The following CASP1 variants were observed in gnomAD, a reference collection of about 807,000 sequenced individuals.
The protein encoded by CASP1 is caspase-1.
A neutral mutation model predicts 41.2 loss-of-function variants in CASP1; 31 were observed. The observed-to-expected ratio is 0.75, with a 90% CI of 0.57 to 1.02. The LOEUF is 1.02. Ranked by LOEUF, CASP1 falls within the 50% of genes least tolerant of loss-of-function variation. The pLI, the probability that CASP1 is intolerant of heterozygous loss-of-function variation, is 0.00. For missense variants in CASP1, 490 were observed against 495.7 expected, an observed-to-expected ratio of 0.99 and a Z score of 0.11; for synonymous variants, 163 against 166.5, an observed-to-expected ratio of 0.98 and a Z score of 0.16.
Position 105,031,404 on chromosome 11 carries a change from A to T in CASP1, c.338-124T>A, listed in dbSNP as rs529194780. ...ATGCACTCTGAGGAGGACAATCCTG[A>T]TCTACATCATTAACACAGCTGAGTG... On this transcript the variant is annotated intron_variant, in intron 3 of 8. Transcript: ENST00000533400. 24 of 558,422 alleles carry T rather than the reference A, an allele frequency of 4.3e-5. No individual in the cohort carries two copies. In the East Asian group the frequency reaches 7.0e-4, roughly 16 times the overall value. The allele number at this position is 558,422 out of a possible 1,614,324, so 34.6% of individuals were successfully genotyped here.
chr11:105,028,321 A>G (rs1863451290), intron 7 of CASP1, among the ~76,000 whole-genome samples: 2 of 152,160 alleles, frequency 1.3e-5, no homozygotes, highest in African/African-American at 2.4e-5. Context: ...GACCAAGAGA[A>G]TGCAAGTCCT....
Position 105,028,207 on chromosome 11 carries a change from C to T in CASP1, c.1006+917G>A, listed in dbSNP as rs551279771. 3.3e-5 allele frequency among the ~76,000 whole-genome samples: 5 copies of T among 152,192 alleles called. 1 individual carries two copies. In the South Asian group the frequency reaches 8.3e-4, roughly 25 times the overall value. Reference sequence around the variant, plus strand: ...GAGTTCTACATCAGGGCATGTTCAACCCAATGTAGAACCAAGCTTCTTCTG... The same window carrying T: ...GAGTTCTACATCAGGGCATGTTCAATCCAATGTAGAACCAAGCTTCTTCTG... On this transcript the variant is annotated intron_variant, in intron 7 of 8. Coordinates refer to ENST00000533400, the MANE Select transcript of CASP1 (RefSeq NM_001257118.3).
rs756248172 is a variant in CASP1 at position 105,029,766 on chromosome 11, T to C, written c.761A>G (p.Asp254Gly). 11 of 1,613,616 alleles carry C rather than the reference T, an allele frequency of 6.8e-6. No homozygotes were observed. Among genetic ancestry groups the C allele is most frequent in the South Asian group, 4.4e-5 (4 of 91,086 alleles). Residue 254 changes from aspartate to glycine, a missense_variant, in exon 6 of 9, where the codon GAT becomes GGT. Transcript: ENST00000533400. ...AAAGATTGCATTGAGTTGTAGTATA[T>C]CTGGGACTTGCTCAGAGTGTTTCTT... The part of the protein sequence containing the change: ...CGKKHSEQVP[D>G]ILQLNAIFNM...
At chr11:105,035,655 G>C (rs558400774), upstream of CASP1, among the ~76,000 whole-genome samples, 4 of 96,308 alleles carry the variant, frequency 4.2e-5, no homozygotes, top group Admixed American at 6.7e-4. Flanking sequence ...TCATTCTGTC[G>C]TGCAGGCCGG....
chr11:105,033,184 C>T (rs145521108), intron 2 of CASP1, 58 bp from the exon 3 acceptor site: 60 of 1,008,870 alleles, frequency 5.9e-5, no homozygotes, highest in Non-Finnish European at 8.5e-5. Context: ...AAACTTTACC[C>T]CAATCTGTAA....
chr11:105,026,489 C>CA, intron 8 of CASP1, 133 bp from the exon 9 acceptor site: 1 of 638,962 alleles, frequency 1.6e-6, no homozygotes, highest in East Asian at 2.7e-5. Context: ...CTTCCATCTG[C>CA]AACAAGTATA....
chr11:105,035,780 T>A (rs1324625229), upstream of CASP1, among the ~76,000 whole-genome samples: 2 of 152,044 alleles, frequency 1.3e-5, no homozygotes, highest in East Asian at 3.9e-4. Flanking sequence ...CATGGCCAGC[T>A]AATATTTGTA....
rs1863613690 is a variant in CASP1 at position 105,030,363 on chromosome 11, G to C, written c.594C>G (p.Tyr198Ter). The C allele has an allele frequency of 6.2e-7, 1 of 1,613,324 alleles. No individual in the cohort carries two copies. The highest frequency in any genetic ancestry group is 1.3e-5 in the African/African-American group (1 of 74,844). Residue 198 changes from tyrosine to a stop codon, truncating the protein, a stop_gained, in exon 5 of 9, where the codon TAC (tyrosine) becomes TAG (stop). Coordinates refer to ENST00000533400, the MANE Select transcript of CASP1 (RefSeq NM_001257118.3). LOFTEE classifies it high-confidence loss of function. The part of the protein sequence containing the change: ...GMTMLLQNLG[Y>*]SVDVKKNLTA... ...TGAGATTTTTTTTCACATCTACGCT[G>C]TACCCCAGATTTTGTAGCAGCATTG...
upstream of CASP1, chr11:105,035,230 T>G: frequency 1.5e-6 from 2 of 1,340,318 alleles, no homozygotes; most frequent in South Asian, 2.4e-5. Flanking sequence ...ATGCATGTCT[T>G]TATTTTTCTT....
chr11:105,031,338 T>C (rs1253585063), intron 3 of CASP1, 58 bp from the exon 4 acceptor site: 1 of 976,674 alleles, frequency 1.0e-6, no homozygotes, highest in East Asian at 2.4e-5. Flanking sequence ...CACTTTGTGT[T>C]TGTTACAGCC....
At position 105,030,522 on chromosome 11, in the gene CASP1, G is replaced by A; in HGVS notation, c.454-19C>T. ...GATAAATCTGTAGGAAATGCAATTT[G>A]AATGAACAGCCTTGTTCTTTCCAAT... On this transcript the variant is annotated intron_variant, in intron 4 of 8. Transcript: ENST00000533400. The A allele has an allele frequency of 6.2e-7, 1 of 1,604,136 alleles. No homozygotes were observed. Among genetic ancestry groups the A allele is most frequent in the Non-Finnish European group, 8.5e-7 (1 of 1,173,922 alleles).
At chr11:105,028,688 A>G (rs1247767140) in intron 7 of CASP1, among the ~76,000 whole-genome samples, 1 of 152,032 alleles carries the variant, frequency 6.6e-6, no homozygotes, top group Non-Finnish European at 1.5e-5. Flanking sequence ...CACACACTTC[A>G]TGCTTCTAGG....
rs1360628959 is a variant in CASP1, at chr11:105,029,279, C to T, written c.863-12G>A. On this transcript the variant is annotated splice_polypyrimidine_tract_variant and intron_variant, in intron 6 of 8. Transcript: ENST00000533400. ...CACACCAGGGCTGTCTGGAAAGACA[C>T]AGTTTGATTTGTTACTACTACCAAT... 1.9e-6 allele frequency: 3 copies of T among 1,606,788 alleles called. No individual in the cohort carries two copies. The highest frequency in any genetic ancestry group is 1.1e-5 in the South Asian group (1 of 89,930).
intron 7 of CASP1, chr11:105,027,222 A>G (rs1863363493): frequency 5.0e-6 from 3 of 599,322 alleles, no homozygotes; most frequent in Non-Finnish European, 8.9e-6. Flanking sequence ...GGGGATGGTA[A>G]TAACTCCATA....
chr11:105,032,087 A>G (rs1863732252), intron 3 of CASP1, among the ~76,000 whole-genome samples: 1 of 152,212 alleles, frequency 6.6e-6, no homozygotes, highest in South Asian at 2.1e-4. Context: ...AGATGTGTGG[A>G]GGATCTTTTA....
rs750278836 is a variant in CASP1 at position 105,031,179 on chromosome 11, G to A, written c.439C>T (p.Gln147Ter). 1 of 1,608,680 alleles carries A rather than the reference G, an allele frequency of 6.2e-7. No individual in the cohort carries two copies. The highest frequency in any genetic ancestry group is 8.5e-7 in the Non-Finnish European group (1 of 1,175,426). ...SLEEAQRIWK[Q>*]KSAEIYPIMD... ...GAGCATGGCACCTCTGCCGACTTTT[G>A]TTTCCATATCCTTTGAGCTTCTTCT... Residue 147 changes from glutamine to a stop codon, truncating the protein, a stop_gained, in exon 4 of 9, where the codon CAA becomes TAA. Transcript: ENST00000533400. LOFTEE classifies it high-confidence loss of function.
chr11:105,035,274 G>T (rs917502646), upstream of CASP1: 3 of 988,196 alleles, frequency 3.0e-6, no homozygotes, highest in Non-Finnish European at 4.7e-6. Flanking sequence ...GCCTGCATCA[G>T]GTAGTGTATC....
rs1347677942 is a variant in CASP1, at chr11:105,029,066, A to G, written c.1006+58T>C. ...TGTTAATCACCACCTCTAGTGGGTT[A>G]TTGTCACTTTTTCTATTGATAGCCC... On this transcript the variant is annotated intron_variant, in intron 7 of 8. Transcript: ENST00000533400. The G allele has an allele frequency of 3.3e-6, 5 of 1,525,116 alleles. No homozygotes were observed. The Admixed American group carries it at 9.3e-5, about 28-fold the overall frequency. The allele number at this position is 1,525,116 out of a possible 1,614,324, so 94.5% of individuals were successfully genotyped here.
chr11:105,031,380 T>C lies in CASP1; in HGVS notation c.338-100A>G, dbSNP rs549437453. The C allele has an allele frequency of 3.8e-4, 250 of 657,884 alleles. 2 individuals carry two copies. Among genetic ancestry groups the C allele is most frequent in the Middle Eastern group, 3.0e-3 (7 of 2,358 alleles). The allele number at this position is 657,884 out of a possible 1,614,324, so 40.8% of individuals were successfully genotyped here. On this transcript the variant is annotated intron_variant, in intron 3 of 8. Transcript: ENST00000533400. ...ATGGATGAAGCCACAGAAGAGGAAATGCACTCTGAGGAGGACAATCCTGAT... is the reference window on the plus strand; with the variant it reads ...ATGGATGAAGCCACAGAAGAGGAAACGCACTCTGAGGAGGACAATCCTGAT...
Sources: allele counts gnomAD v4.1 joint callset (sites outside exome capture counted in the v4.1 genomes callset), GRCh38; gene constraint gnomAD v4.1.1; transcripts MANE v1.5; gene names NCBI Gene and HGNC (gene_info 2026-07-23, HGNC 2026-07-21).